Variants in RTN4 observed in about 807,000 individuals in gnomAD.
The protein encoded by RTN4 is reticulon-4.
In RTN4, 32 loss-of-function variants were observed where a neutral mutation model predicts 90.4. The observed-to-expected ratio is 0.35, with a 90% CI of 0.27 to 0.48. RTN4 has a LOEUF of 0.48. Ranked by LOEUF, RTN4 falls within the 20% of genes least tolerant of loss-of-function variation. RTN4 has a pLI of 0.99. For missense variants in RTN4, 1,706 were observed against 1,430.2 expected, an observed-to-expected ratio of 1.19 and a Z score of -3.11; for synonymous variants, 629 against 552.5, an observed-to-expected ratio of 1.14 and a Z score of -1.94.
At chr2:55,063,007 G>A (rs1265505262) in intron 2 of RTN4, among the ~76,000 whole-genome samples, 2 of 152,144 alleles carry the variant, frequency 1.3e-5, no homozygotes, top group African/African-American at 4.8e-5. Context: ...GCTTAATTTG[G>A]TGGAATAGCT....
At chr2:55,077,137 C>T (rs1313152653) in intron 2 of RTN4, among the ~76,000 whole-genome samples, 2 of 152,028 alleles carry the variant, frequency 1.3e-5, no homozygotes, top group South Asian at 2.1e-4. Context: ...CTCAGCCTCC[C>T]GAGTAGCTGG....
Position 55,026,490 on chromosome 2 carries a change from T to C in RTN4, c.1609A>G (p.Lys537Glu), listed in dbSNP as rs1681885764. 2.5e-6 allele frequency: 4 copies of C among 1,613,848 alleles called. No homozygotes were observed. Among genetic ancestry groups the C allele is most frequent in the African/African-American group, 2.7e-5 (2 of 74,916 alleles). ...TTTGCCACGACTTCCTCAGTCACCT[T>C]TGTTAAATTATCTGTTGTGACATAA... ...TDYVTTDNLTKVTEEVVANMP... is the reference protein window; with the variant it reads ...TDYVTTDNLTEVTEEVVANMP... Residue 537 changes from lysine to glutamate, a missense_variant, in exon 3 of 9, where the codon AAG becomes GAG. Transcript: ENST00000337526.
Position 55,049,860 on chromosome 2 carries a change from G to C in RTN4, c.441C>G (p.Pro147=), listed in dbSNP as rs1668000606. Residue 147 remains proline (P), a synonymous_variant, in exon 1 of 9, where the codon CCC becomes CCG. Coordinates refer to ENST00000337526, the MANE Select transcript of RTN4 (RefSeq NM_020532.5). The part of the protein sequence containing the change: ...DEPPARPPPP[P]PASVSPQAEP... ...CTGCCTGGGGGCTCACGCTGGCCGG[G>C]GGAGGAGGGGGAGGCCGGGCCGGAG... 2.3e-6 allele frequency: 3 copies of C among 1,317,324 alleles called. No homozygotes were observed. Among genetic ancestry groups the C allele is most frequent in the Middle Eastern group, 2.8e-4 (1 of 3,532 alleles). The allele number at this position is 1,317,324 out of a possible 1,614,324, so 81.6% of individuals were successfully genotyped here. A position where few individuals can be genotyped will look rare whatever the true frequency, so the allele number is the denominator to read the frequency against.
chr2:55,040,089 C>G (rs1043217763), intron 1 of RTN4, among the ~76,000 whole-genome samples: 1 of 152,118 alleles, frequency 6.6e-6, no homozygotes, highest in Non-Finnish European at 1.5e-5. Context: ...TATGGCAGAT[C>G]TCTGTGCAGT....
intron 2 of RTN4, among the ~76,000 whole-genome samples, 161 bp from the exon 3 acceptor site, chr2:55,027,646 T>G (rs1682008056): frequency 6.6e-6 from 1 of 152,172 alleles, no homozygotes; most frequent in East Asian, 1.9e-4. Flanking sequence ...ACTTCAATCA[T>G]TACTGAAAAT....
the RTN4 span, among the ~76,000 whole-genome samples, chr2:55,127,783 C>G: frequency 6.6e-6 from 1 of 152,188 alleles, no homozygotes; most frequent in African/African-American, 2.4e-5. Context: ...TCTAAAAGAA[C>G]AGACATTCCC....
At chr2:55,029,815 T>C (rs1036361225) in intron 1 of RTN4, among the ~76,000 whole-genome samples, 3 of 152,216 alleles carry the variant, frequency 2.0e-5, no homozygotes, top group African/African-American at 7.2e-5. Context: ...AGGGGTAACA[T>C]AATGGCTTAT....
At chr2:55,078,460 G>A (rs1443397074) in intron 2 of RTN4, among the ~76,000 whole-genome samples, 1 of 152,174 alleles carries the variant, frequency 6.6e-6, no homozygotes, top group Non-Finnish European at 1.5e-5. Context: ...TGATATTCCA[G>A]TTCTTCTTCT....
chr2:54,992,249 T>C (rs1398993947), intron 3 of RTN4, among the ~76,000 whole-genome samples: 1 of 152,202 alleles, frequency 6.6e-6, no homozygotes, highest in African/African-American at 2.4e-5. Flanking sequence ...CATTAATAAG[T>C]GGCAGAACAT....
upstream of RTN4, chr2:55,050,609 G>A (rs2104987774): frequency 3.9e-6 from 1 of 256,514 alleles, no homozygotes; most frequent in African/African-American, 2.2e-5. The surrounding 1 kb of genome is among the most constrained non-coding windows in gnomAD (Gnocchi z 4.6). Context: ...GGCGCGGGAG[G>A]GAGAGAGCCA....
chr2:55,042,203 C>G (rs914868040), intron 1 of RTN4, among the ~76,000 whole-genome samples: 1 of 152,076 alleles, frequency 6.6e-6, no homozygotes, highest in Non-Finnish European at 1.5e-5. Context: ...AGGTTGGAAC[C>G]ATTCTTTGAA....
chr2:55,079,962 A>G (rs1191371745), intron 2 of RTN4, among the ~76,000 whole-genome samples: 2 of 152,182 alleles, frequency 1.3e-5, no homozygotes, highest in African/African-American at 4.8e-5. Flanking sequence ...AATGAATGTA[A>G]TAATACTATG....
intron 1 of RTN4, among the ~76,000 whole-genome samples, chr2:55,047,815 C>G (rs768971752): frequency 1.6e-4 from 24 of 152,102 alleles, no homozygotes; most frequent in Non-Finnish European, 3.1e-4. Flanking sequence ...AAAATAATTT[C>G]CCAAGATGAA....
upstream of RTN4, among the ~76,000 whole-genome samples, chr2:55,115,533 C>T (rs538122198): frequency 6.6e-6 from 1 of 152,288 alleles, no homozygotes; most frequent in East Asian, 1.9e-4. Flanking sequence ...TAGAAGATTT[C>T]TAGAAATCTG....
intron 3 of RTN4, among the ~76,000 whole-genome samples, chr2:55,011,529 A>G (rs1452744169): frequency 6.6e-6 from 1 of 152,220 alleles, no homozygotes; most frequent in Non-Finnish European, 1.5e-5. Flanking sequence ...TTGCGAAAAT[A>G]CTATAAGATA....
In RTN4 at chr2:54,973,126, A is replaced by C; in HGVS notation, c.*30T>G. ...AATCAAATGAATATCCCCTTTAAAGATGAACTCCTACTAATTATTTTGGGC... is the reference window on the plus strand; with the variant it reads ...AATCAAATGAATATCCCCTTTAAAGCTGAACTCCTACTAATTATTTTGGGC... On this transcript the variant is annotated 3_prime_UTR_variant, in exon 9 of 9. Transcript: ENST00000337526. The C allele has an allele frequency of 6.3e-7, 1 of 1,585,560 alleles. No homozygotes were observed. Among genetic ancestry groups the C allele is most frequent in the Non-Finnish European group, 8.6e-7 (1 of 1,156,320 alleles).
chr2:55,036,953 T>C (rs1682734333), intron 1 of RTN4, among the ~76,000 whole-genome samples: 1 of 152,144 alleles, frequency 6.6e-6, no homozygotes, highest in African/African-American at 2.4e-5. Flanking sequence ...CTATCTTAAC[T>C]TACAGACAAC....
intron 3 of RTN4, among the ~76,000 whole-genome samples, chr2:55,024,723 C>A (rs1238975334): frequency 2.0e-5 from 3 of 151,856 alleles, no homozygotes; most frequent in Non-Finnish European, 1.5e-5. Context: ...TCTGGGATAA[C>A]AAAAACACAT....
the RTN4 span, among the ~76,000 whole-genome samples, chr2:55,121,437 G>A: frequency 5.6e-4 from 85 of 152,376 alleles, 1 homozygote; most frequent in Non-Finnish European, 1.1e-3. Context: ...GTCAGCCCAA[G>A]ACCATTACCA....
Sources: gnomAD v4.1 joint callset for allele counts (sites outside exome capture counted in the v4.1 genomes callset) on GRCh38, gnomAD v4.1.1 for gene constraint, Gnocchi (gnomAD v3.1) non-coding constraint, MANE v1.5 for transcripts, NCBI Gene and HGNC (gene_info 2026-07-23, HGNC 2026-07-21) for gene names.